Variants in TSPAN18 observed in about 807,000 individuals in gnomAD.
TSPAN18 encodes tetraspanin 18, also known as tetraspanin-18.
Under a neutral mutation model 27.3 loss-of-function variants are expected in TSPAN18, and 14 were observed. The observed-to-expected ratio is 0.51, with a 90% CI of 0.34 to 0.80. The LOEUF is 0.80. Ranked by LOEUF, TSPAN18 falls within the 30% of genes least tolerant of loss-of-function variation. The probability of loss-of-function intolerance (pLI) is 0.01; values close to 1 mark genes in which losing one functional copy is unlikely to be tolerated. For missense variants in TSPAN18, 268 were observed against 323.9 expected (o/e 0.83, Z 1.32); for synonymous variants, 143 against 136.5 (o/e 1.05, Z -0.33).
At chr11:44,783,424 A>T (rs111770021) in intron 2 of TSPAN18, among the ~76,000 whole-genome samples, 1 of 150,640 alleles carries the variant, frequency 6.6e-6, no homozygotes, top group African/African-American at 2.4e-5. Flanking sequence ...AGTGAGACGG[A>T]GTCTCGCTCT....
At chr11:44,777,732 G>A (rs1855846293) in intron 2 of TSPAN18, among the ~76,000 whole-genome samples, 1 of 152,164 alleles carries the variant, frequency 6.6e-6, no homozygotes, top group South Asian at 2.1e-4. Context: ...GTTCCCTGAA[G>A]CCTGCCTCCC....
intron 2 of TSPAN18, among the ~76,000 whole-genome samples, chr11:44,823,218 C>T (rs1333487365): frequency 1.2e-4 from 18 of 152,232 alleles, no homozygotes; most frequent in Admixed American, 1.2e-3. Context: ...CCTGCCCACT[C>T]GGCCTGCTTG....
intron 3 of TSPAN18, among the ~76,000 whole-genome samples, chr11:44,869,096 C>G (rs1269822759): frequency 6.6e-6 from 1 of 152,198 alleles, no homozygotes; most frequent in South Asian, 2.1e-4. Context: ...TTCTGCTTTA[C>G]TCTTAGTGTA....
At chr11:44,858,651 C>A (rs897400377) in intron 2 of TSPAN18, among the ~76,000 whole-genome samples, 1 of 152,146 alleles carries the variant, frequency 6.6e-6, no homozygotes, top group East Asian at 1.9e-4. Context: ...GTTCTCTCAG[C>A]CAGTTTGAGG....
At chr11:44,835,173 C>T (rs1021559605) in intron 2 of TSPAN18, among the ~76,000 whole-genome samples, 3 of 152,168 alleles carry the variant, frequency 2.0e-5, no homozygotes, top group African/African-American at 7.2e-5. Context: ...AAGAAACACA[C>T]AGAAAAGGGG....
intron 2 of TSPAN18, among the ~76,000 whole-genome samples, chr11:44,800,761 A>G (rs1856462329): frequency 6.6e-6 from 1 of 152,164 alleles, no homozygotes; most frequent in African/African-American, 2.4e-5. Flanking sequence ...AGGATTGGGG[A>G]CAGGTGGGGG....
At chr11:44,745,305 C>G (rs1385403126) in intron 1 of TSPAN18, among the ~76,000 whole-genome samples, 1 of 152,132 alleles carries the variant, frequency 6.6e-6, no homozygotes, top group African/African-American at 2.4e-5. Flanking sequence ...TAAGTATAAC[C>G]ACTGACAACC....
At chr11:44,754,738 G>T (rs1194054767) in intron 1 of TSPAN18, among the ~76,000 whole-genome samples, 2 of 152,234 alleles carry the variant, frequency 1.3e-5, no homozygotes, top group Admixed American at 1.3e-4. Flanking sequence ...TGACTCCTCT[G>T]AGCTGTGCGG....
intron 4 of TSPAN18, among the ~76,000 whole-genome samples, chr11:44,907,539 T>C (rs1162950733): frequency 6.6e-6 from 1 of 152,142 alleles, no homozygotes; most frequent in Non-Finnish European, 1.5e-5. Context: ...CTTATAATCC[T>C]AAAAAGCCTC....
At chr11:44,735,914 A>G (rs1312601683) in intron 1 of TSPAN18, among the ~76,000 whole-genome samples, 1 of 152,044 alleles carries the variant, frequency 6.6e-6, no homozygotes, top group Non-Finnish European at 1.5e-5. Flanking sequence ...ACCAGCGCCC[A>G]GCCATGACCT....
chr11:44,914,587 G>A (rs914101393), intron 5 of TSPAN18, among the ~76,000 whole-genome samples: 5 of 152,162 alleles, frequency 3.3e-5, no homozygotes, highest in African/African-American at 1.2e-4. Flanking sequence ...AGACCTCGGG[G>A]CTCCTGTGGC....
At chr11:44,915,092 C>T (rs1859857007) in intron 5 of TSPAN18, among the ~76,000 whole-genome samples, 1 of 152,198 alleles carries the variant, frequency 6.6e-6, no homozygotes, top group African/African-American at 2.4e-5. Context: ...CTGTCCAGGC[C>T]GAGGCTGGTG....
chr11:44,835,352 G>A (rs1308365017), intron 2 of TSPAN18, among the ~76,000 whole-genome samples: 3 of 152,226 alleles, frequency 2.0e-5, no homozygotes, highest in Non-Finnish European at 4.4e-5. Flanking sequence ...TATCCATATA[G>A]GGACTGGAGT....
intron 7 of TSPAN18, 142 bp from the exon 8 acceptor site, chr11:44,919,675 G>A: frequency 1.2e-6 from 1 of 813,722 alleles, no homozygotes; most frequent in Non-Finnish European, 2.1e-6. Context: ...GCTTTCCCAT[G>A]GTCACACAGT....
At chr11:44,853,867 G>A (rs1012933785) in intron 2 of TSPAN18, among the ~76,000 whole-genome samples, 11 of 152,168 alleles carry the variant, frequency 7.2e-5, no homozygotes, top group African/African-American at 2.7e-4. Flanking sequence ...GGTTCTGTGT[G>A]GTGGGGACAT....
At chr11:44,825,388 G>A (rs139636232) in intron 2 of TSPAN18, among the ~76,000 whole-genome samples, 3 of 152,314 alleles carry the variant, frequency 2.0e-5, no homozygotes, top group African/African-American at 4.8e-5. Context: ...AAATGGCTCA[G>A]TTCACATTAT....
intron 2 of TSPAN18, among the ~76,000 whole-genome samples, chr11:44,769,048 C>A (rs1159703182): frequency 6.6e-6 from 1 of 152,044 alleles, no homozygotes; most frequent in Non-Finnish European, 1.5e-5. Context: ...GCGCATGCTA[C>A]CATGCCCAGC....
At chr11:44,757,890 G>T (rs1375533073) in intron 1 of TSPAN18, among the ~76,000 whole-genome samples, 1 of 152,094 alleles carries the variant, frequency 6.6e-6, no homozygotes, top group Admixed American at 6.6e-5. Context: ...TATATGATTT[G>T]CAAATATGTT....
At chr11:44,857,848 C>T (rs1170323050) in intron 2 of TSPAN18, among the ~76,000 whole-genome samples, 1 of 152,156 alleles carries the variant, frequency 6.6e-6, no homozygotes, top group Non-Finnish European at 1.5e-5. Flanking sequence ...ATCCCTCCCC[C>T]CGATACACAC....
Sources: allele counts gnomAD v4.1 joint callset (sites outside exome capture counted in the v4.1 genomes callset), GRCh38; gene constraint gnomAD v4.1.1; transcripts MANE v1.5; gene names NCBI Gene and HGNC (gene_info 2026-07-23, HGNC 2026-07-21).